PRR16: variants seen among roughly 807,000 people sequenced by gnomAD.
PRR16 encodes the protein protein Largen.
In PRR16, 6 loss-of-function variants were observed where a neutral mutation model predicts 18.2. That is an observed-to-expected ratio of 0.33 (90% CI 0.18 to 0.65). PRR16 has a LOEUF of 0.65. Among genes scored for constraint, PRR16 ranks in the 30% least tolerant of loss-of-function variants. The pLI, the probability that PRR16 is intolerant of heterozygous loss-of-function variation, is 0.74. For synonymous variants in PRR16, 151 were observed against 147.8 expected (o/e 1.02, Z -0.16); for missense variants, 412 against 376.6 (o/e 1.09, Z -0.78).
chr5:120,532,857 T>G lies in PRR16; in HGVS notation c.159+68212T>G, dbSNP rs1364270438. 3.3e-5 allele frequency among the ~76,000 whole-genome samples: 5 copies of G among 152,266 alleles called. No homozygotes were observed. In the South Asian group the frequency reaches 8.3e-4, roughly 25 times the overall value. On this transcript the variant is annotated intron_variant, in intron 1 of 1. Transcript: ENST00000407149. Reference sequence around the variant, plus strand: ...AAGCCATTTACCCCCAAAAAGTAATTAGTAACTTTTGTAAATGTCATTACA... The same window carrying G: ...AAGCCATTTACCCCCAAAAAGTAATGAGTAACTTTTGTAAATGTCATTACA...
intron 1 of PRR16, among the ~76,000 whole-genome samples, chr5:120,535,799 AAAAC>A (rs147824864): frequency 0.05 from 7,512 of 150,838 alleles, 224 homozygotes; most frequent in East Asian, 0.098. Flanking sequence ...ATCCTGTCAA[AAAAC>A]AAACAAACAA....
At chr5:120,491,395 G>A (rs1166863037) in intron 1 of PRR16, among the ~76,000 whole-genome samples, 1 of 148,968 alleles carries the variant, frequency 6.7e-6, no homozygotes, top group African/African-American at 2.5e-5. Context: ...ATTAACTTAG[G>A]TACAAGATCT....
chr5:120,530,111 T>C (rs1043030113), intron 1 of PRR16, among the ~76,000 whole-genome samples: 1 of 149,752 alleles, frequency 6.7e-6, no homozygotes, highest in African/African-American at 2.4e-5. Context: ...CACATATTTC[T>C]CATGTAAAAA....
the PRR16 span, among the ~76,000 whole-genome samples, chr5:120,775,593 C>T: frequency 2.2e-5 from 3 of 134,750 alleles, no homozygotes; most frequent in African/African-American, 7.7e-5. Context: ...AGACATCTTT[C>T]TAAACTATAC....
At chr5:120,563,856 G>T (rs1161478350) in intron 1 of PRR16, among the ~76,000 whole-genome samples, 1 of 152,198 alleles carries the variant, frequency 6.6e-6, no homozygotes, top group Non-Finnish European at 1.5e-5. Flanking sequence ...AGCTGGGAAT[G>T]TGCTGGTTCA....
intron 1 of PRR16, among the ~76,000 whole-genome samples, chr5:120,542,855 A>G (rs749704679): frequency 1.4e-4 from 22 of 152,146 alleles, no homozygotes; most frequent in Admixed American, 1.4e-3. Context: ...TAGTGTTTAT[A>G]TTATTAGCAG....
the PRR16 span, among the ~76,000 whole-genome samples, chr5:120,702,883 C>T: frequency 0.11 from 16,182 of 152,130 alleles, 1,077 homozygotes; most frequent in Non-Finnish European, 0.14. Flanking sequence ...GTGGATCTTT[C>T]TCAGGGAGCA....
intron 1 of PRR16, among the ~76,000 whole-genome samples, chr5:120,559,320 G>A (rs1310418718): frequency 6.6e-6 from 1 of 151,840 alleles, no homozygotes; most frequent in Non-Finnish European, 1.5e-5. Flanking sequence ...TTGGATTTTT[G>A]TATGTGATGA....
intron 1 of PRR16, among the ~76,000 whole-genome samples, chr5:120,495,473 A>G (rs987253968): frequency 6.6e-6 from 1 of 152,140 alleles, no homozygotes; most frequent in Non-Finnish European, 1.5e-5. Context: ...TATAATACTT[A>G]GTACAATGCC....
At chr5:120,578,070 T>A (rs1375911724) in intron 1 of PRR16, among the ~76,000 whole-genome samples, 1 of 152,056 alleles carries the variant, frequency 6.6e-6, no homozygotes, top group African/African-American at 2.4e-5. Flanking sequence ...TTAGAAAACA[T>A]TTGGAAAAAT....
chr5:120,645,383 T>TCCC lies in PRR16; in HGVS notation c.160-40564_160-40562dup, dbSNP rs375699744. Among the ~76,000 whole-genome samples, 3 of 65,966 alleles carry TCCC rather than the reference T, an allele frequency of 4.5e-5. No homozygotes were observed. In the Admixed American group the frequency reaches 5.3e-4, roughly 12 times the overall value. 43.3% of individuals were successfully genotyped at this position (65,966 alleles called of 152,430 possible). ...GCACACACACACGAATACCCACCCA[T>TCCC]CCCCCCCCCACACACACACAGGCAG... On this transcript the variant is annotated intron_variant, in intron 1 of 1. Coordinates refer to ENST00000407149, the MANE Select transcript of PRR16 (RefSeq NM_001300783.2).
intron 1 of PRR16, among the ~76,000 whole-genome samples, chr5:120,678,128 G>A (rs917869386): frequency 5.9e-5 from 9 of 152,022 alleles, no homozygotes; most frequent in African/African-American, 2.2e-4. Flanking sequence ...CCAGGATGGT[G>A]TCGATCTCCT....
intron 1 of PRR16, among the ~76,000 whole-genome samples, chr5:120,522,210 T>C (rs1751206430): frequency 6.6e-6 from 1 of 152,214 alleles, no homozygotes; most frequent in Non-Finnish European, 1.5e-5. Context: ...CTGAGTCAAA[T>C]GGTATTTCTA....
the PRR16 span, among the ~76,000 whole-genome samples, chr5:120,788,566 C>T: frequency 4.6e-5 from 7 of 151,970 alleles, no homozygotes; most frequent in Non-Finnish European, 7.4e-5. Flanking sequence ...TACATAGAGA[C>T]TTATATTTCT....
chr5:120,764,197 A>G, the PRR16 span, among the ~76,000 whole-genome samples: 1 of 152,040 alleles, frequency 6.6e-6, no homozygotes, highest in Non-Finnish European at 1.5e-5. Flanking sequence ...CTGTGGGTGT[A>G]TCATACATGG....
At chr5:120,726,129 T>C in the PRR16 span, among the ~76,000 whole-genome samples, 1 of 152,132 alleles carries the variant, frequency 6.6e-6, no homozygotes, top group Non-Finnish European at 1.5e-5. Context: ...GAGAATTCCA[T>C]AGACTGCATG....
At chr5:120,588,211 G>A (rs763508365) in intron 1 of PRR16, among the ~76,000 whole-genome samples, 14 of 152,180 alleles carry the variant, frequency 9.2e-5, no homozygotes, top group Admixed American at 1.3e-4. Context: ...TGGTGAAAAT[G>A]TTGTGAACAT....
At chr5:120,753,326 G>A in the PRR16 span, among the ~76,000 whole-genome samples, 177 of 152,122 alleles carry the variant, frequency 1.2e-3, no homozygotes, top group African/African-American at 3.9e-3. Flanking sequence ...ACCACAGGAG[G>A]TTAAAACGTC....
intron 1 of PRR16, among the ~76,000 whole-genome samples, chr5:120,597,977 G>T (rs1264343721): frequency 6.6e-6 from 1 of 151,752 alleles, no homozygotes; most frequent in African/African-American, 2.4e-5. Context: ...AATGAATATG[G>T]ATTATGAATA....
Sources: allele counts gnomAD v4.1 joint callset (sites outside exome capture counted in the v4.1 genomes callset), GRCh38; gene constraint gnomAD v4.1.1; transcripts MANE v1.5; gene names NCBI Gene and HGNC (gene_info 2026-07-23, HGNC 2026-07-21).